Variants in KAT6B observed in about 807,000 individuals in gnomAD.
The protein encoded by KAT6B is lysine acetyltransferase 6B, also known as histone acetyltransferase KAT6B.
Under a neutral mutation model 187.5 loss-of-function variants are expected in KAT6B, and 10 were observed. That is an observed-to-expected ratio of 0.05 (90% CI 0.03 to 0.09). The LOEUF is 0.09. KAT6B is among the 10% of genes least tolerant of loss of function. The probability of loss-of-function intolerance (pLI) is 1.00; values close to 1 mark genes in which losing one functional copy is unlikely to be tolerated. For synonymous variants in KAT6B, 861 were observed against 926.8 expected (o/e 0.93, Z 1.29); for missense variants, 1,952 against 2,558.9 (o/e 0.76, Z 5.12).
At chr10:74,926,040 A>G (rs2133112029) in intron 3 of KAT6B, among the ~76,000 whole-genome samples, 1 of 152,346 alleles carries the variant, frequency 6.6e-6, no homozygotes, top group Middle Eastern at 3.4e-3. Context: ...ACCTACATAA[A>G]TGCATAGACC....
intron 3 of KAT6B, among the ~76,000 whole-genome samples, chr10:74,894,727 G>A (rs1054766119): frequency 1.3e-5 from 2 of 152,098 alleles, no homozygotes; most frequent in African/African-American, 2.4e-5. Context: ...GTTCATCCAT[G>A]TTGTAGCATG....
chr10:74,995,747 G>A (rs916273523), intron 13 of KAT6B, among the ~76,000 whole-genome samples: 8 of 152,284 alleles, frequency 5.3e-5, no homozygotes, highest in African/African-American at 1.9e-4. Context: ...GGGTTTATAG[G>A]TTGTTTCCAA....
At position 74,843,442 on chromosome 10, in the gene KAT6B, C is replaced by A; in HGVS notation, c.585C>A (p.Leu195=). ...PQYPSAFPSS[L]PPVSLLPHEK... is the part of the protein sequence containing the mutation. Reference sequence around the variant, plus strand: ...ATCCCAGTGCATTCCCATCCTCGCTCCCACCTGTCAGCCTTCTACCCCATG... The same window carrying A: ...ATCCCAGTGCATTCCCATCCTCGCTACCACCTGTCAGCCTTCTACCCCATG... Residue 195 remains leucine (L), a synonymous_variant, in exon 3 of 18, where the codon CTC becomes CTA. Transcript: ENST00000287239. 1 of 1,613,924 alleles carries A rather than the reference C, an allele frequency of 6.2e-7. No homozygotes were observed. The highest frequency in any genetic ancestry group is 2.2e-5 in the East Asian group (1 of 44,890).
At chr10:74,841,518 T>C (rs1841744237) in intron 2 of KAT6B, among the ~76,000 whole-genome samples, 1 of 151,978 alleles carries the variant, frequency 6.6e-6, no homozygotes, top group Admixed American at 6.6e-5. Flanking sequence ...TGAGCTGAGA[T>C]TGCGCTATTG....
At chr10:75,019,172 A>G (rs1241906895) in intron 13 of KAT6B, among the ~76,000 whole-genome samples, 1 of 152,216 alleles carries the variant, frequency 6.6e-6, no homozygotes, top group African/African-American at 2.4e-5. Context: ...TCACTGTAAA[A>G]TGTTGCGGTG....
chr10:74,979,595 T>C (rs1589745724), intron 10 of KAT6B, among the ~76,000 whole-genome samples: 1 of 151,964 alleles, frequency 6.6e-6, no homozygotes, highest in African/African-American at 2.4e-5. Flanking sequence ...CTTTCTTTCC[T>C]TGGTTAATTG....
At chr10:74,833,602 A>G (rs887615064) in intron 1 of KAT6B, among the ~76,000 whole-genome samples, 8 of 152,228 alleles carry the variant, frequency 5.3e-5, no homozygotes, top group African/African-American at 1.9e-4. Flanking sequence ...GGGATTATGG[A>G]AACCATAATA....
At chr10:74,869,495 A>G (rs1364814558) in intron 3 of KAT6B, among the ~76,000 whole-genome samples, 1 of 152,162 alleles carries the variant, frequency 6.6e-6, no homozygotes, top group South Asian at 2.1e-4. Flanking sequence ...CATGTTGGCC[A>G]GGCTGGTCTC....
In KAT6B at chr10:74,842,820, A is replaced by G. The variant is rs757433758; in HGVS notation, c.-38A>G. ...TCTGTTAAATACAAAGAGAACCTCT[A>G]TGGGTAACTTTTGTGTTGAAGAAGT... On this transcript the variant is annotated 5_prime_UTR_variant, in exon 3 of 18. It removes an upstream start codon present in the reference 5' UTR. Coordinates refer to ENST00000287239, the MANE Select transcript of KAT6B (RefSeq NM_012330.4). The G allele has an allele frequency of 6.2e-7, 1 of 1,611,490 alleles. No individual in the cohort carries two copies. Among genetic ancestry groups the G allele is most frequent in the Non-Finnish European group, 8.5e-7 (1 of 1,178,966 alleles).
At chr10:75,005,925 A>G (rs1844172370) in intron 13 of KAT6B, among the ~76,000 whole-genome samples, 1 of 152,238 alleles carries the variant, frequency 6.6e-6, no homozygotes, top group South Asian at 2.1e-4. Flanking sequence ...CACATGAACC[A>G]TTTGTCCACA....
chr10:75,012,953 G>A (rs1844718670), intron 13 of KAT6B, among the ~76,000 whole-genome samples: 1 of 152,122 alleles, frequency 6.6e-6, no homozygotes, highest in Admixed American at 6.5e-5. Flanking sequence ...TGGCCCTTTG[G>A]GGAAGAGCTC....
chr10:74,897,534 G>A (rs1282464255), intron 3 of KAT6B, among the ~76,000 whole-genome samples: 1 of 152,154 alleles, frequency 6.6e-6, no homozygotes, highest in Admixed American at 6.5e-5. Context: ...TAAACTTTAC[G>A]GGCAGAGAAA....
At chr10:74,921,245 G>T (rs1848100022) in intron 3 of KAT6B, among the ~76,000 whole-genome samples, 1 of 151,274 alleles carries the variant, frequency 6.6e-6, no homozygotes, top group African/African-American at 2.4e-5. Context: ...CTCCTGAGTA[G>T]CTGGGATTAC....
chr10:75,000,711 C>T (rs1278715105), intron 13 of KAT6B, among the ~76,000 whole-genome samples: 1 of 152,112 alleles, frequency 6.6e-6, no homozygotes, highest in Non-Finnish European at 1.5e-5. Context: ...AAAAATGTGT[C>T]AGCAGTTTCA....
intron 3 of KAT6B, among the ~76,000 whole-genome samples, chr10:74,925,836 A>G (rs930387667): frequency 3.9e-5 from 6 of 152,168 alleles, no homozygotes; most frequent in Non-Finnish European, 8.8e-5. Flanking sequence ...ATTCCTTGAA[A>G]TAATGTATTG....
At chr10:74,854,571 G>GTCTCT (rs1223462620) in intron 3 of KAT6B, among the ~76,000 whole-genome samples, 1 of 152,006 alleles carries the variant, frequency 6.6e-6, no homozygotes, top group African/African-American at 2.4e-5. Context: ...TATGAGGCTG[G>GTCTCT]TCTCTGCAAA....
intron 3 of KAT6B, among the ~76,000 whole-genome samples, chr10:74,869,188 T>TAAG (rs1451466503): frequency 5.3e-5 from 8 of 152,354 alleles, no homozygotes; most frequent in African/African-American, 1.7e-4. Context: ...TCCTTCCAGA[T>TAAG]TTGTTTATGC....
chr10:74,960,470 A>G (rs1388890053), intron 4 of KAT6B, among the ~76,000 whole-genome samples: 3 of 151,994 alleles, frequency 2.0e-5, no homozygotes, highest in South Asian at 2.1e-4. Context: ...TTAATCTTCA[A>G]ATTTTTTCCC....
intron 17 of KAT6B, 116 bp from the exon 18 acceptor site, chr10:75,028,373 C>G: frequency 2.0e-6 from 3 of 1,483,762 alleles, no homozygotes; most frequent in Non-Finnish European, 1.9e-6. Flanking sequence ...CAACTTTTAA[C>G]ATGCCAAATT....
Sources: allele counts gnomAD v4.1 joint callset (sites outside exome capture counted in the v4.1 genomes callset), GRCh38; gene constraint gnomAD v4.1.1; transcripts MANE v1.5; gene names NCBI Gene and HGNC (gene_info 2026-07-23, HGNC 2026-07-21).